The following STX18 variants were observed in gnomAD, a reference collection of about 807,000 sequenced individuals.
STX18 encodes syntaxin-18.
In STX18, 40 loss-of-function variants were observed where a neutral mutation model predicts 50.1. The observed-to-expected ratio is 0.80, with a 90% confidence interval of 0.62 to 1.04. The LOEUF is 1.04. STX18 is among the 50% of genes least tolerant of loss of function. The probability of loss-of-function intolerance (pLI) is 0.00; values close to 1 mark genes in which losing one functional copy is unlikely to be tolerated. For missense variants in STX18, 410 were observed against 415.8 expected (o/e 0.99, Z 0.12); for synonymous variants, 158 against 151.8 (o/e 1.04, Z -0.30).
intron 7 of STX18, 124 bp from the exon 8 acceptor site, chr4:4,425,346 G>A: frequency 1.2e-6 from 1 of 836,354 alleles, no homozygotes; most frequent in Non-Finnish European, 2.0e-6. Context: ...CGGCAACGTG[G>A]CAGCCGGTGC....
intron 5 of STX18, among the ~76,000 whole-genome samples, chr4:4,453,930 T>C (rs1221640757): frequency 6.6e-6 from 1 of 152,224 alleles, no homozygotes; most frequent in African/African-American, 2.4e-5. Flanking sequence ...AACCAGACCA[T>C]GGACTGTTTG....
At chr4:4,439,490 ACACT>A (rs1339452674) in intron 5 of STX18, among the ~76,000 whole-genome samples, 1 of 142,522 alleles carries the variant, frequency 7.0e-6, no homozygotes, top group Non-Finnish European at 1.5e-5. Context: ...ATACACACAC[ACACT>A]CATATATACC....
At chr4:4,494,120 A>G (rs1466531206) in intron 1 of STX18, among the ~76,000 whole-genome samples, 1 of 152,242 alleles carries the variant, frequency 6.6e-6, no homozygotes, top group African/African-American at 2.4e-5. Flanking sequence ...GTTACATAAC[A>G]TATACATGAG....
chr4:4,465,569 C>A (rs374371896), intron 2 of STX18, among the ~76,000 whole-genome samples: 1 of 152,102 alleles, frequency 6.6e-6, no homozygotes, highest in African/African-American at 2.4e-5. Flanking sequence ...AACGCATGGA[C>A]ATGAGGCGGT....
intron 1 of STX18, among the ~76,000 whole-genome samples, chr4:4,479,412 C>G (rs1006998569): frequency 6.6e-6 from 1 of 152,166 alleles, no homozygotes; most frequent in Non-Finnish European, 1.5e-5. Flanking sequence ...TAAGTCACTG[C>G]AGGTCGCATT....
intron 2 of STX18, among the ~76,000 whole-genome samples, chr4:4,468,430 C>G (rs1007005554): frequency 6.6e-6 from 1 of 152,118 alleles, no homozygotes; most frequent in Non-Finnish European, 1.5e-5. Context: ...CCATTGCTGA[C>G]ATGTCGCCAG....
chr4:4,466,308 G>A (rs181536013), intron 2 of STX18, among the ~76,000 whole-genome samples: 1 of 152,248 alleles, frequency 6.6e-6, no homozygotes, highest in African/African-American at 2.4e-5. Context: ...GTGAGTAGAG[G>A]CCTGGAGGCA....
chr4:4,495,510 T>G (rs1237978092), intron 1 of STX18, among the ~76,000 whole-genome samples: 1 of 151,310 alleles, frequency 6.6e-6, no homozygotes, highest in Admixed American at 6.6e-5. Flanking sequence ...TGCCTCAGCC[T>G]CCCAAGTAAC....
intron 2 of STX18, among the ~76,000 whole-genome samples, chr4:4,461,280 C>T (rs1273243695): frequency 1.3e-5 from 2 of 151,876 alleles, no homozygotes; most frequent in African/African-American, 4.8e-5. Context: ...CAACAGAAAC[C>T]AAGGAAGTTT....
intron 1 of STX18, among the ~76,000 whole-genome samples, chr4:4,482,974 C>A (rs573123698): frequency 2.0e-5 from 3 of 152,128 alleles, no homozygotes; most frequent in East Asian, 1.9e-4. Context: ...TACGGGACTG[C>A]GGCTTCCAGA....
At chr4:4,442,459 AT>A (rs1726165856) in intron 5 of STX18, among the ~76,000 whole-genome samples, 1 of 152,180 alleles carries the variant, frequency 6.6e-6, no homozygotes, top group Non-Finnish European at 1.5e-5. Flanking sequence ...TCTACTAAAA[AT>A]ACAAAAATTA....
chr4:4,508,543 T>C (rs1489519135), intron 1 of STX18, among the ~76,000 whole-genome samples: 1 of 152,042 alleles, frequency 6.6e-6, no homozygotes, highest in Non-Finnish European at 1.5e-5. Context: ...CAACAAACAA[T>C]TTTTTTTCTT....
chr4:4,540,027 C>T (rs1033571753), intron 1 of STX18, among the ~76,000 whole-genome samples: 2 of 152,190 alleles, frequency 1.3e-5, no homozygotes, highest in East Asian at 1.9e-4. Context: ...CAAAAGGAAT[C>T]TCAAGAAGTG....
intron 1 of STX18, among the ~76,000 whole-genome samples, chr4:4,496,618 G>T (rs1445460981): frequency 6.6e-6 from 1 of 152,128 alleles, no homozygotes; most frequent in Non-Finnish European, 1.5e-5. Flanking sequence ...TAACATATTT[G>T]TGCTATTTTA....
chr4:4,448,694 T>C (rs1396542072), intron 5 of STX18, among the ~76,000 whole-genome samples: 4 of 152,186 alleles, frequency 2.6e-5, no homozygotes, highest in African/African-American at 9.6e-5. Flanking sequence ...GAGAAAATAC[T>C]ATCTTTCTCA....
At chr4:4,524,639 G>A (rs982444401) in intron 1 of STX18, among the ~76,000 whole-genome samples, 10 of 152,266 alleles carry the variant, frequency 6.6e-5, no homozygotes, top group Non-Finnish European at 1.3e-4. Flanking sequence ...CCAACACTGT[G>A]TGTGCAAGGC....
At position 4,457,743 on chromosome 4, in the gene STX18, A is replaced by C. The variant is rs537246947; in HGVS notation, c.353-243T>G. On this transcript the variant is annotated intron_variant, in intron 3 of 10. Transcript: ENST00000306200. ...AATTTATGGTTTATCAGAACACTTA[A>C]GGATAGTATTTGACGCAGCCACTTC... is the stretch of plus-strand genomic sequence containing the variant. 3.3e-5 allele frequency among the ~76,000 whole-genome samples: 5 copies of C among 152,374 alleles called. No individual in the cohort carries two copies. The South Asian group carries it at 1.0e-3, about 32-fold the overall frequency.
intron 1 of STX18, chr4:4,499,508 G>C: frequency 6.1e-6 from 6 of 985,392 alleles, no homozygotes; most frequent in Non-Finnish European, 7.2e-6. Context: ...ACGTTGTACT[G>C]CAAAGAAACA....
At chr4:4,435,681 G>A (rs1450278232) in intron 6 of STX18, among the ~76,000 whole-genome samples, 4 of 152,158 alleles carry the variant, frequency 2.6e-5, no homozygotes, top group Admixed American at 6.6e-5. Flanking sequence ...ACTGTGTCCC[G>A]GTCTGTGCTA....
Sources: gnomAD v4.1 joint callset for allele counts (sites outside exome capture counted in the v4.1 genomes callset) on GRCh38, gnomAD v4.1.1 for gene constraint, MANE v1.5 for transcripts, NCBI Gene and HGNC (gene_info 2026-07-23, HGNC 2026-07-21) for gene names.